The following SLC22A23 variants were observed in gnomAD, a reference collection of about 807,000 sequenced individuals.
SLC22A23 encodes ion transporter protein.
SLC22A23 carries 26 observed loss-of-function variants against 61.0 expected under a neutral mutation model. The observed-to-expected ratio is 0.43, with a 90% CI of 0.31 to 0.59. The LOEUF (loss-of-function observed/expected upper bound fraction) is 0.59, where lower values mean the gene tolerates loss of function less well. SLC22A23 is among the 20% of genes least tolerant of loss of function. SLC22A23 has a pLI of 0.11. For synonymous variants in SLC22A23, 430 were observed against 413.9 expected, an observed-to-expected ratio of 1.04 and a Z score of -0.47; for missense variants, 796 against 934.7, an observed-to-expected ratio of 0.85 and a Z score of 1.94.
At chr6:3,443,627 T>C (rs1020079843) in intron 1 of SLC22A23, among the ~76,000 whole-genome samples, 45 of 152,204 alleles carry the variant, frequency 3.0e-4, no homozygotes, top group Admixed American at 2.7e-3. Context: ...CATCTGCCTA[T>C]AACCCCTTCC....
intron 3 of SLC22A23, among the ~76,000 whole-genome samples, chr6:3,344,664 A>T (rs1345571909): frequency 1.3e-5 from 2 of 152,222 alleles, no homozygotes; most frequent in Non-Finnish European, 1.5e-5. Flanking sequence ...CTTTTTCTGG[A>T]GGTAGAAGTG....
In SLC22A23 at chr6:3,316,307, G is replaced by GA. The variant is rs534194995; in HGVS notation, c.1082+7526dup. 1.2e-4 allele frequency among the ~76,000 whole-genome samples: 19 copies of GA among 152,348 alleles called. No individual in the cohort carries two copies. The South Asian group carries it at 3.7e-3, about 30-fold the overall frequency. On this transcript the variant is annotated intron_variant, in intron 4 of 9. Coordinates refer to ENST00000406686, the MANE Select transcript of SLC22A23 (RefSeq NM_015482.2). ...ACCTCTGGTTCCTTGGATCCAGGAA[G>GA]AGCTAAGGAATTCGAGAGTACTATG...
In SLC22A23 at chr6:3,387,331, T is replaced by G. The variant is rs1767376926; in HGVS notation, c.913+22857A>C. On this transcript the variant is annotated intron_variant, in intron 3 of 9. Coordinates refer to ENST00000406686, the MANE Select transcript of SLC22A23 (RefSeq NM_015482.2). The surrounding 1 kb of genome is among the most constrained non-coding windows in gnomAD (Gnocchi z 5.0). ...CAGGGTGGTGCTCTTCCCCCTAGTCTGATCAAGAGAAAGTATCAGACAGAC... is the reference window on the plus strand; with the variant it reads ...CAGGGTGGTGCTCTTCCCCCTAGTCGGATCAAGAGAAAGTATCAGACAGAC... 6.6e-6 allele frequency among the ~76,000 whole-genome samples: 1 copy of G among 152,206 alleles called. No homozygotes were observed. Among genetic ancestry groups the G allele is most frequent in the African/African-American group, 2.4e-5 (1 of 41,442 alleles).
rs1762136388 is a variant in SLC22A23, at chr6:3,308,402, A to G, written c.1083-10184T>C. ...CTCTGCTATGACACACTGCCCCCAC[A>G]TCACAGTGAAAAATGCCAGTCTCAC... is the stretch of plus-strand genomic sequence containing the variant. On this transcript the variant is annotated intron_variant, in intron 4 of 9. Transcript: ENST00000406686. The surrounding 1 kb of genome is among the most constrained non-coding windows in gnomAD (Gnocchi z 5.1). Among the ~76,000 whole-genome samples the G allele has an allele frequency of 6.6e-6, 1 of 152,128 alleles. No individual in the cohort carries two copies. The highest frequency in any genetic ancestry group is 2.4e-5 in the African/African-American group (1 of 41,432).
chr6:3,407,239 T>C (rs759086213), intron 3 of SLC22A23, among the ~76,000 whole-genome samples: 1 of 152,242 alleles, frequency 6.6e-6, no homozygotes, highest in Admixed American at 6.5e-5. Flanking sequence ...ATCAATAATT[T>C]TCTTCAAGTA....
At position 3,304,664 on chromosome 6, in the gene SLC22A23, C is replaced by G. The variant is rs1439529774; in HGVS notation, c.1083-6446G>C. Among the ~76,000 whole-genome samples, 1 of 152,014 alleles carries G rather than the reference C, an allele frequency of 6.6e-6. No individual in the cohort carries two copies. The highest frequency in any genetic ancestry group is 2.4e-5 in the African/African-American group (1 of 41,408). ...GTGGGGGCAGTCCCAGGCAGGTGGT[C>G]CAGGGGCTGGTCAGGGGAGGCTCTG... On this transcript the variant is annotated intron_variant, in intron 4 of 9. Coordinates refer to ENST00000406686, the MANE Select transcript of SLC22A23 (RefSeq NM_015482.2). This position sits in a 1 kb window ranked among gnomAD's most constrained non-coding sequence, Gnocchi z 4.3.
At position 3,274,957 on chromosome 6, in the gene SLC22A23, CT is replaced by C. The variant is rs11393848; in HGVS notation, c.1704-1546del. Among the ~76,000 whole-genome samples the C allele has an allele frequency of 1.9e-3, 268 of 143,202 alleles. 2 individuals carry two copies. The highest frequency in any genetic ancestry group is 0.013 in the South Asian group (61 of 4,552). 93.9% of individuals were successfully genotyped at this position (143,202 alleles called of 152,430 possible). A position where few individuals can be genotyped will look rare whatever the true frequency, so the allele number is the denominator to read the frequency against. ...TAATCCCTATCAAAATTCCAGGTGA[CT>C]TTTTTTTTTTTTCAGAAAACAGCCA... On this transcript the variant is annotated intron_variant, in intron 9 of 9. Coordinates refer to ENST00000406686, the MANE Select transcript of SLC22A23 (RefSeq NM_015482.2).
chr6:3,317,415 C>A lies in SLC22A23; in HGVS notation c.1082+6419G>T, dbSNP rs1171873869. 6.6e-6 allele frequency among the ~76,000 whole-genome samples: 1 copy of A among 152,208 alleles called. No individual in the cohort carries two copies. ...CCCAGCTCCCTCTTCCATTCTGGCA[C>A]CTCCTGCCACCTATCTTCCTAGCGC... On this transcript the variant is annotated intron_variant, in intron 4 of 9. Coordinates refer to ENST00000406686, the MANE Select transcript of SLC22A23 (RefSeq NM_015482.2). The surrounding 1 kb of genome is among the most constrained non-coding windows in gnomAD (Gnocchi z 4.4).
chr6:3,291,356 G>C (rs1325964985), intron 5 of SLC22A23: 1 of 152,146 alleles, frequency 6.6e-6, no homozygotes, highest in Non-Finnish European at 1.5e-5. Flanking sequence ...AAAATGTGTT[G>C]CTAAACCGTA....
At chr6:3,351,931 T>G (rs1249155518) in intron 3 of SLC22A23, among the ~76,000 whole-genome samples, 2 of 152,048 alleles carry the variant, frequency 1.3e-5, no homozygotes. Flanking sequence ...CAGATGGAGT[T>G]CCCATCTAGG....
At chr6:3,391,542 C>G (rs1241818862) in intron 3 of SLC22A23, among the ~76,000 whole-genome samples, 1 of 152,202 alleles carries the variant, frequency 6.6e-6, no homozygotes, top group Non-Finnish European at 1.5e-5. Context: ...TCATCATGTT[C>G]CATGAATTCA....
rs1160502721 is a variant in SLC22A23, at chr6:3,270,921, G to A, written c.*2134C>T. The A allele has an allele frequency of 6.6e-6, 1 of 152,384 alleles. No individual in the cohort carries two copies. The highest frequency in any genetic ancestry group is 2.4e-5 in the African/African-American group (1 of 41,432). 9.4% of individuals were successfully genotyped at this position (152,384 alleles called of 1,614,324 possible). ...ATCCTTCCACAACACAGTACAGTAA[G>A]TGGACTGCAGGGTGGCCTGGTGCTG... On this transcript the variant is annotated 3_prime_UTR_variant, in exon 10 of 10. Transcript: ENST00000406686.
At chr6:3,301,282 T>C (rs1477799577) in intron 4 of SLC22A23, among the ~76,000 whole-genome samples, 1 of 152,188 alleles carries the variant, frequency 6.6e-6, no homozygotes, top group East Asian at 1.9e-4. Context: ...GTCATTATTA[T>C]TAATTTTCTC....
intron 3 of SLC22A23, among the ~76,000 whole-genome samples, chr6:3,346,650 CCTCCAGCTA>C (rs1052906440): frequency 1.3e-5 from 2 of 152,170 alleles, no homozygotes; most frequent in African/African-American, 2.4e-5. Flanking sequence ...GCATGAAACA[CCTCCAGCTA>C]CTCCCAGCTG....
chr6:3,448,333 T>C (rs543746668), intron 1 of SLC22A23, among the ~76,000 whole-genome samples: 2 of 152,268 alleles, frequency 1.3e-5, no homozygotes, highest in Non-Finnish European at 2.9e-5. Context: ...GCTCCCACCA[T>C]GGTGAATTTC....
chr6:3,311,566 G>A (rs991900078), intron 4 of SLC22A23: 5 of 152,094 alleles, frequency 3.3e-5, no homozygotes, highest in Non-Finnish European at 1.5e-5. Flanking sequence ...AAACAATAAG[G>A]TGGCTTTCAT....
intron 1 of SLC22A23, among the ~76,000 whole-genome samples, chr6:3,448,172 G>T (rs1485035625): frequency 6.6e-6 from 1 of 152,062 alleles, no homozygotes; most frequent in Non-Finnish European, 1.5e-5. Flanking sequence ...CGAAGTGCTG[G>T]GATTACAGGC....
intron 1 of SLC22A23, chr6:3,438,678 C>T: frequency 2.6e-6 from 1 of 379,986 alleles, no homozygotes; most frequent in South Asian, 2.0e-5. Flanking sequence ...AACCGTTATT[C>T]TAAGTAGAGG....
chr6:3,275,925 A>G (rs1160750690), intron 9 of SLC22A23, among the ~76,000 whole-genome samples: 1 of 152,268 alleles, frequency 6.6e-6, no homozygotes, highest in East Asian at 1.9e-4. Context: ...AAAGATGGGC[A>G]GGCCAGACAC....
Sources: gnomAD v4.1 joint callset for allele counts (sites outside exome capture counted in the v4.1 genomes callset) on GRCh38, gnomAD v4.1.1 for gene constraint, Gnocchi (gnomAD v3.1) non-coding constraint, MANE v1.5 for transcripts, NCBI Gene and HGNC (gene_info 2026-07-23, HGNC 2026-07-21) for gene names.